MSR1: variants seen among roughly 807,000 people sequenced by gnomAD.
MSR1 encodes macrophage scavenger receptor types I and II.
In MSR1, 53 loss-of-function variants were observed where a neutral mutation model predicts 47.2. The ratio of observed to expected loss-of-function variants is 1.12; its 90% CI spans 0.90 to 1.41. The LOEUF is 1.41. Ranked by LOEUF, MSR1 falls within the 40% of genes most tolerant of loss-of-function variation. The probability of loss-of-function intolerance (pLI) is 0.00; values close to 1 mark genes in which losing one functional copy is unlikely to be tolerated. For missense variants in MSR1, 786 were observed against 546.9 expected, an observed-to-expected ratio of 1.44 and a Z score of -4.36; for synonymous variants, 239 against 185.6, an observed-to-expected ratio of 1.29 and a Z score of -2.34.
intron 5 of MSR1, among the ~76,000 whole-genome samples, chr8:16,157,998 G>C (rs141941161): frequency 6.6e-6 from 1 of 151,770 alleles, no homozygotes; most frequent in Non-Finnish European, 1.5e-5. Context: ...CCTTTTGTTC[G>C]TAGTTTCCAT....
At chr8:16,176,469 T>C (rs1012957856) in intron 2 of MSR1, among the ~76,000 whole-genome samples, 1 of 141,390 alleles carries the variant, frequency 7.1e-6, no homozygotes, top group African/African-American at 2.7e-5. Context: ...ATCGCACCAC[T>C]GCACTCCAGC....
intron 1 of MSR1, among the ~76,000 whole-genome samples, chr8:16,179,982 T>A (rs1193943504): frequency 6.6e-6 from 1 of 151,022 alleles, no homozygotes; most frequent in Non-Finnish European, 1.5e-5. Context: ...AGTGGTGCAA[T>A]CTCAGCTCAC....
chr8:16,156,777 A>G (rs1414971254), intron 5 of MSR1, among the ~76,000 whole-genome samples: 1 of 151,826 alleles, frequency 6.6e-6, no homozygotes. Context: ...GGTGTATTAT[A>G]TTCTAAGGTA....
At chr8:16,183,017 C>A (rs1390134331) in intron 1 of MSR1, among the ~76,000 whole-genome samples, 1 of 152,068 alleles carries the variant, frequency 6.6e-6, no homozygotes, top group African/African-American at 2.4e-5. Flanking sequence ...TCCCTTAGAA[C>A]AGCTATGAGG....
intron 8 of MSR1, chr8:16,139,892 G>A (rs1434351477): frequency 2.4e-6 from 1 of 425,312 alleles, no homozygotes; most frequent in East Asian, 1.5e-4. Context: ...ATATTCTAAG[G>A]AATTAAAATT....
At chr8:16,174,396 A>G (rs751047044) in intron 3 of MSR1, among the ~76,000 whole-genome samples, 7 of 152,202 alleles carry the variant, frequency 4.6e-5, no homozygotes, top group Admixed American at 6.5e-5. Flanking sequence ...TCAAATGCCA[A>G]TCGAAATACA....
intron 6 of MSR1, 137 bp from the exon 7 acceptor site, chr8:16,150,448 A>T (rs1291468198): frequency 2.7e-6 from 1 of 363,796 alleles, no homozygotes; most frequent in Non-Finnish European, 4.9e-6. Context: ...TCTTTCCTAA[A>T]ATTTAATGTT....
At chr8:16,152,010 C>A (rs888022458) in intron 6 of MSR1, among the ~76,000 whole-genome samples, 3 of 152,130 alleles carry the variant, frequency 2.0e-5, no homozygotes, top group African/African-American at 7.2e-5. Flanking sequence ...AGAGCTCATA[C>A]ACGTAAAACA....
At chr8:16,191,474 C>T (rs1430425152) in intron 1 of MSR1, among the ~76,000 whole-genome samples, 1 of 152,080 alleles carries the variant, frequency 6.6e-6, no homozygotes, top group East Asian at 1.9e-4. Context: ...TTGCCTGGTA[C>T]ACAGAAAACC....
intron 8 of MSR1, among the ~76,000 whole-genome samples, chr8:16,124,973 G>A (rs565222555): frequency 6.6e-6 from 1 of 152,128 alleles, no homozygotes; most frequent in Non-Finnish European, 1.5e-5. Flanking sequence ...GTTTCTATGA[G>A]TAGAAACAGA....
At chr8:16,136,203 A>G (rs570492794) in intron 8 of MSR1, among the ~76,000 whole-genome samples, 134 of 152,314 alleles carry the variant, frequency 8.8e-4, no homozygotes, top group African/African-American at 2.5e-3. Flanking sequence ...GAAATCTCTC[A>G]TGAGGAGAAG....
At chr8:16,139,777 ATATATATATATATATATATATATAT>A (rs1800500791) in intron 8 of MSR1, 1 of 13,966 alleles carries the variant, frequency 7.2e-5, no homozygotes, top group Non-Finnish European at 1.2e-4. Flanking sequence ...AAAAAAAAAT[ATATATATATATATATATATATATAT>A]ATATATATAT....
chr8:16,159,798 A>G (rs1801112735), intron 5 of MSR1, among the ~76,000 whole-genome samples: 1 of 151,952 alleles, frequency 6.6e-6, no homozygotes, highest in African/African-American at 2.4e-5. Context: ...TAAGACAGAA[A>G]TAAGTATCAG....
In MSR1 at chr8:16,164,246, G is replaced by C; in HGVS notation, c.636C>G (p.Ile212Met). The change falls in exon 5 of 10, where the codon ATC (isoleucine) becomes ATG (methionine). Residue 212 changes from isoleucine (I) to methionine (M), a missense_variant. By Grantham distance (10) the Ile-to-Met change is conservative (BLOSUM62 1). Coordinates refer to ENST00000262101, the MANE Select transcript of MSR1 (RefSeq NM_138715.3). ...QENTFKQQEEISKLEERVYNV... is the reference protein window; with the variant it reads ...QENTFKQQEEMSKLEERVYNV... ...TGTAAACACGCTCCTCTAATTTACT[G>C]ATTTCCTGTAAAACATAAGTGAGCA... The C allele has an allele frequency of 6.2e-7, 1 of 1,611,026 alleles. No homozygotes were observed. Among genetic ancestry groups the C allele is most frequent in the South Asian group, 1.1e-5 (1 of 91,006 alleles).
At chr8:16,117,195 G>C (rs1450429353) in intron 9 of MSR1, among the ~76,000 whole-genome samples, 1 of 152,066 alleles carries the variant, frequency 6.6e-6, no homozygotes, top group African/African-American at 2.4e-5. Context: ...TACCGCCTGA[G>C]TGCCACCTCC....
chr8:16,168,118 A>C (rs1801369268), intron 4 of MSR1, among the ~76,000 whole-genome samples: 1 of 152,214 alleles, frequency 6.6e-6, no homozygotes, highest in Admixed American at 6.5e-5. Flanking sequence ...CAAAATTCAC[A>C]CATACAGAGT....
At chr8:16,131,014 T>C (rs938406551) in intron 8 of MSR1, among the ~76,000 whole-genome samples, 2 of 152,122 alleles carry the variant, frequency 1.3e-5, no homozygotes, top group Non-Finnish European at 2.9e-5. Context: ...GATTGCTGGG[T>C]CAAATGGTAA....
At chr8:16,134,866 T>C (rs1309789341) in intron 8 of MSR1, among the ~76,000 whole-genome samples, 1 of 152,172 alleles carries the variant, frequency 6.6e-6, no homozygotes, top group East Asian at 1.9e-4. Flanking sequence ...GTGGCCTTCA[T>C]ATATGATCAA....
chr8:16,150,507 A>G (rs1800826375), intron 6 of MSR1, among the ~76,000 whole-genome samples, 196 bp from the exon 7 acceptor site: 1 of 152,076 alleles, frequency 6.6e-6, no homozygotes, highest in African/African-American at 2.4e-5. Context: ...TAGTACATTC[A>G]GCACATTGTA....
Sources: allele counts gnomAD v4.1 joint callset (sites outside exome capture counted in the v4.1 genomes callset), GRCh38; gene constraint gnomAD v4.1.1; transcripts MANE v1.5; gene names NCBI Gene and HGNC (gene_info 2026-07-23, HGNC 2026-07-21).